Variants in CNTNAP2 observed in about 807,000 individuals in gnomAD.
The protein encoded by CNTNAP2 is contactin-associated protein-like 2.
Under a neutral mutation model 155.2 loss-of-function variants are expected in CNTNAP2, and 98 were observed. That is an observed-to-expected ratio of 0.63 (90% CI 0.54 to 0.75). The LOEUF is 0.75. CNTNAP2 is among the 30% of genes least tolerant of loss of function. The pLI, the probability that CNTNAP2 is intolerant of heterozygous loss-of-function variation, is 0.00. For synonymous variants in CNTNAP2, 651 were observed against 631.2 expected (o/e 1.03, Z -0.47); for missense variants, 1,727 against 1,688.1 (o/e 1.02, Z -0.40).
intron 2 of CNTNAP2, among the ~76,000 whole-genome samples, chr7:146,807,777 G>T (rs1283308063): frequency 6.6e-6 from 1 of 151,574 alleles, no homozygotes; most frequent in Non-Finnish European, 1.5e-5. Flanking sequence ...TCTAGTTGCT[G>T]CTAAAAAAAT....
intron 8 of CNTNAP2, among the ~76,000 whole-genome samples, chr7:147,287,548 T>G (rs556529938): frequency 1.3e-5 from 2 of 152,204 alleles, no homozygotes; most frequent in South Asian, 4.2e-4. Flanking sequence ...ACTCCAAGGT[T>G]CAGCCTAAAC....
chr7:146,162,224 C>T (rs144325038), intron 1 of CNTNAP2, among the ~76,000 whole-genome samples: 3,115 of 152,248 alleles, frequency 0.02, 93 homozygotes, highest in African/African-American at 0.065. Flanking sequence ...AGTGAACAGG[C>T]AAGCTACAGA....
At chr7:147,010,834 T>TA (rs1330421524) in intron 3 of CNTNAP2, among the ~76,000 whole-genome samples, 1 of 152,068 alleles carries the variant, frequency 6.6e-6, no homozygotes, top group Non-Finnish European at 1.5e-5. Context: ...ACTAGCAGGT[T>TA]AAAATGTGAT....
At chr7:146,279,880 AACTT>A (rs1425570382) in intron 1 of CNTNAP2, among the ~76,000 whole-genome samples, 2 of 151,716 alleles carry the variant, frequency 1.3e-5, no homozygotes, top group Non-Finnish European at 2.9e-5. Context: ...ATCTAAAACA[AACTT>A]AAAAAAATAT....
At chr7:146,161,943 A>G (rs1336580793) in intron 1 of CNTNAP2, among the ~76,000 whole-genome samples, 2 of 152,202 alleles carry the variant, frequency 1.3e-5, no homozygotes, top group Non-Finnish European at 2.9e-5. Flanking sequence ...TGGTGCTGGG[A>G]AAACTGGCTA....
chr7:148,034,416 G>T (rs933381352), intron 15 of CNTNAP2, among the ~76,000 whole-genome samples: 1 of 152,264 alleles, frequency 6.6e-6, no homozygotes, highest in Admixed American at 6.5e-5. Flanking sequence ...CTCATGAAGG[G>T]ATTGATGCTG....
At chr7:147,470,253 A>G (rs1397628707) in intron 10 of CNTNAP2, among the ~76,000 whole-genome samples, 1 of 152,236 alleles carries the variant, frequency 6.6e-6, no homozygotes, top group Non-Finnish European at 1.5e-5. Flanking sequence ...CAAGCATGCT[A>G]TGATAGTGTC....
At chr7:146,687,433 G>A (rs989100920) in intron 1 of CNTNAP2, among the ~76,000 whole-genome samples, 6 of 152,140 alleles carry the variant, frequency 3.9e-5, no homozygotes, top group Admixed American at 6.6e-5. Flanking sequence ...AAGTAAGCAC[G>A]TAACGGATAT....
chr7:148,084,289 A>G (rs537518433), intron 15 of CNTNAP2, among the ~76,000 whole-genome samples: 11 of 152,304 alleles, frequency 7.2e-5, no homozygotes, highest in African/African-American at 2.4e-4. Context: ...TGGTGGTGCT[A>G]GGAGAGGGGC....
At chr7:146,986,116 A>G (rs907543416) in intron 3 of CNTNAP2, among the ~76,000 whole-genome samples, 1 of 152,114 alleles carries the variant, frequency 6.6e-6, no homozygotes, top group African/African-American at 2.4e-5. Flanking sequence ...AGTAGTATAC[A>G]CTGTACTCAA....
At chr7:147,041,630 C>T (rs769965871) in intron 3 of CNTNAP2, among the ~76,000 whole-genome samples, 2 of 152,156 alleles carry the variant, frequency 1.3e-5, no homozygotes, top group Admixed American at 6.5e-5. Context: ...TTACTAGTTA[C>T]GTAATGCACT....
intron 1 of CNTNAP2, among the ~76,000 whole-genome samples, chr7:146,483,283 ATATATATATATAT>A (rs1163255190): frequency 3.7e-4 from 23 of 62,728 alleles, no homozygotes; most frequent in South Asian, 1.3e-3. Flanking sequence ...CTAAAAAAAA[ATATATATATATAT>A]ATATATATAT....
chr7:147,318,049 T>G (rs940542918), intron 9 of CNTNAP2, among the ~76,000 whole-genome samples: 3 of 152,302 alleles, frequency 2.0e-5, no homozygotes, highest in East Asian at 3.9e-4. Context: ...GTTAAAATTT[T>G]CTACAGTAGC....
intron 23 of CNTNAP2, among the ~76,000 whole-genome samples, chr7:148,410,778 G>T (rs915719625): frequency 6.6e-6 from 1 of 152,114 alleles, no homozygotes; most frequent in African/African-American, 2.4e-5. Context: ...CAGAGATTGG[G>T]AAAGTTGAGC....
In CNTNAP2 at chr7:146,781,830, A is replaced by C. The variant is rs539180515; in HGVS notation, c.208+7449A>C. Among the ~76,000 whole-genome samples the C allele has an allele frequency of 2.6e-5, 4 of 152,138 alleles. No individual in the cohort carries two copies. In the East Asian group the frequency reaches 7.8e-4, roughly 30 times the overall value. On this transcript the variant is annotated intron_variant, in intron 2 of 23. Transcript: ENST00000361727. ...TAGAAGGATCTGTCACAACTAATTA[A>C]ATCTAGAACTGCAGCTGATATACTA...
chr7:147,278,219 A>G (rs1804947816), intron 8 of CNTNAP2, among the ~76,000 whole-genome samples: 1 of 151,778 alleles, frequency 6.6e-6, no homozygotes, highest in South Asian at 2.1e-4. Context: ...AATTTCCATA[A>G]ATAGAAACTT....
At chr7:146,800,757 T>C (rs1802861094) in intron 2 of CNTNAP2, among the ~76,000 whole-genome samples, 1 of 152,112 alleles carries the variant, frequency 6.6e-6, no homozygotes, top group Non-Finnish European at 1.5e-5. Flanking sequence ...TATTCAATTA[T>C]TTCAAAAACA....
intron 8 of CNTNAP2, among the ~76,000 whole-genome samples, chr7:147,274,988 T>C (rs1804863547): frequency 6.6e-6 from 1 of 152,038 alleles, no homozygotes; most frequent in Non-Finnish European, 1.5e-5. Flanking sequence ...GTGTGTGGCT[T>C]TATTTCTGAA....
intron 15 of CNTNAP2, among the ~76,000 whole-genome samples, chr7:148,039,086 G>C (rs143108633): frequency 1.7e-4 from 26 of 152,100 alleles, no homozygotes; most frequent in Non-Finnish European, 4.4e-5. Flanking sequence ...GAAATCCTAC[G>C]CTAGGCTCTC....
Sources: gnomAD v4.1 joint callset for allele counts (sites outside exome capture counted in the v4.1 genomes callset) on GRCh38, gnomAD v4.1.1 for gene constraint, MANE v1.5 for transcripts, NCBI Gene and HGNC (gene_info 2026-07-23, HGNC 2026-07-21) for gene names.